The following ZNF560 variants were observed in gnomAD, a reference collection of about 807,000 sequenced individuals.
The protein encoded by ZNF560 is zinc finger protein 560.
Under a neutral mutation model 81.8 loss-of-function variants are expected in ZNF560, and 54 were observed. The observed-to-expected ratio is 0.66, with a 90% confidence interval of 0.53 to 0.83. The LOEUF (loss-of-function observed/expected upper bound fraction) is 0.83. Ranked by LOEUF, ZNF560 falls within the 40% of genes least tolerant of loss-of-function variation. The probability of loss-of-function intolerance (pLI) is 0.00; values close to 1 mark genes in which losing one functional copy is unlikely to be tolerated. For synonymous variants in ZNF560, 321 were observed against 317.9 expected (o/e 1.01, Z -0.10); for missense variants, 940 against 932.4 (o/e 1.01, Z -0.11).
intron 7 of ZNF560, among the ~76,000 whole-genome samples, chr19:9,470,090 T>C (rs1023503203): frequency 6.6e-6 from 1 of 152,208 alleles, no homozygotes; most frequent in Non-Finnish European, 1.5e-5. Context: ...TAGAGTGAAT[T>C]ACTCATCTGA....
At chr19:9,482,441 G>A (rs147107068) in intron 2 of ZNF560, among the ~76,000 whole-genome samples, 42 of 150,954 alleles carry the variant, frequency 2.8e-4, no homozygotes, top group African/African-American at 9.7e-4. Context: ...AGGAAGGGAG[G>A]GGGGAAGGGG....
Position 9,468,199 on chromosome 19 carries a change from C to G in ZNF560, c.748G>C (p.Asp250His), listed in dbSNP as rs773679610. The change falls in exon 10 of 10, where the codon GAC (aspartate) becomes CAC (histidine). Residue 250 changes from aspartate to histidine, a missense_variant. Transcript: ENST00000301480. ...GTTTTATTGTATAGAGAAAGGAGGTCTTTTGCATACTGAATACATTCAGAC... is the reference window on the plus strand; with the variant it reads ...GTTTTATTGTATAGAGAAAGGAGGTGTTTTGCATACTGAATACATTCAGAC... The part of the protein sequence containing the change: ...NTSECIQYAK[D>H]LLSLYNKTST... The G allele has an allele frequency of 1.6e-5, 26 of 1,614,122 alleles. No homozygotes were observed. In the East Asian group the frequency reaches 2.7e-4, roughly 17 times the overall value.
At chr19:9,450,698 T>G in the ZNF560 span, among the ~76,000 whole-genome samples, 1 of 152,016 alleles carries the variant, frequency 6.6e-6, no homozygotes, top group Non-Finnish European at 1.5e-5. Flanking sequence ...TCCAGATAAT[T>G]TTTATATTTT....
At chr19:9,472,017 G>A (rs2073130108) in intron 5 of ZNF560, among the ~76,000 whole-genome samples, 1 of 152,042 alleles carries the variant, frequency 6.6e-6, no homozygotes, top group Non-Finnish European at 1.5e-5. Flanking sequence ...GGCTGAGGCA[G>A]GAGAATGGCA....
chr19:9,469,760 G>A (rs1319491585), intron 7 of ZNF560, 50 bp from the exon 8 acceptor site: 13 of 1,535,578 alleles, frequency 8.5e-6, no homozygotes, highest in Admixed American at 3.4e-5. Flanking sequence ...GCAAGAAATG[G>A]CAAACTTTTC....
chr19:9,456,256 G>A, the ZNF560 span, among the ~76,000 whole-genome samples: 178 of 152,240 alleles, frequency 1.2e-3, 3 homozygotes, highest in African/African-American at 3.9e-3. Context: ...AGGAGTCTGC[G>A]GACCTCTGCC....
intron 2 of ZNF560, among the ~76,000 whole-genome samples, chr19:9,488,316 C>T (rs1336318824): frequency 6.6e-6 from 1 of 152,100 alleles, no homozygotes; most frequent in Non-Finnish European, 1.5e-5. Context: ...GCCAAAGAAA[C>T]CTCTTTTCTT....
intron 2 of ZNF560, among the ~76,000 whole-genome samples, chr19:9,486,759 GA>G (rs936803340): frequency 1.6e-4 from 24 of 146,838 alleles, no homozygotes; most frequent in East Asian, 1.4e-3. Flanking sequence ...AAGAAGAAAA[GA>G]AAAAAAAAAG....
At chr19:9,476,213 T>A (rs565000419) in intron 2 of ZNF560, among the ~76,000 whole-genome samples, 5 of 152,220 alleles carry the variant, frequency 3.3e-5, no homozygotes, top group Admixed American at 6.5e-5. Flanking sequence ...ATGGAGGTGA[T>A]TGGATCATGG....
chr19:9,497,149 G>A (rs1282659498), intron 2 of ZNF560, among the ~76,000 whole-genome samples: 2 of 151,164 alleles, frequency 1.3e-5, no homozygotes, highest in Non-Finnish European at 2.9e-5. Flanking sequence ...ATCTTGAATA[G>A]AGCTCAGATC....
downstream of ZNF560, among the ~76,000 whole-genome samples, chr19:9,463,715 C>G (rs891990900): frequency 6.6e-6 from 1 of 152,136 alleles, no homozygotes; most frequent in Non-Finnish European, 1.5e-5. Flanking sequence ...GAGACAAGGC[C>G]TCTGTCACCC....
downstream of ZNF560, among the ~76,000 whole-genome samples, chr19:9,465,365 CTT>C (rs1186850871): frequency 6.6e-6 from 1 of 152,136 alleles, no homozygotes; most frequent in Non-Finnish European, 1.5e-5. Flanking sequence ...GTCTCGATCT[CTT>C]GACCTCGTGA....
the ZNF560 span, among the ~76,000 whole-genome samples, chr19:9,457,935 AAATAG>A: frequency 3.6e-4 from 55 of 152,304 alleles, no homozygotes; most frequent in East Asian, 7.7e-4. Flanking sequence ...AGGCCCAAAT[AAATAG>A]AATAGATCTA....
intron 2 of ZNF560, among the ~76,000 whole-genome samples, chr19:9,490,996 T>C (rs985755801): frequency 3.3e-5 from 5 of 152,192 alleles, no homozygotes; most frequent in African/African-American, 1.2e-4. Context: ...TCCATCACAT[T>C]GAAAATATTT....
chr19:9,474,070 T>C (rs986505186), intron 4 of ZNF560, 129 bp downstream of exon 4: 3 of 1,037,604 alleles, frequency 2.9e-6, no homozygotes, highest in African/African-American at 3.1e-5. Flanking sequence ...ACCACAGTAA[T>C]TAAGACCTAT....
In ZNF560 at chr19:9,491,534, A is replaced by G. The variant is rs185019623; in HGVS notation, c.-57+6594T>C. Among the ~76,000 whole-genome samples, 5 of 152,108 alleles carry G rather than the reference A, an allele frequency of 3.3e-5. No homozygotes were observed. The East Asian group carries it at 7.8e-4, about 24-fold the overall frequency. ...ATTAGGTGCAACACTTGGCAGACCT[A>G]TAAGATTCTTGGCCAGGCATGGTGG... On this transcript the variant is annotated intron_variant, in intron 2 of 9. Transcript: ENST00000301480.
At chr19:9,484,818 T>A in intron 2 of ZNF560, among the ~76,000 whole-genome samples, 1 of 142,446 alleles carries the variant, frequency 7.0e-6, no homozygotes, top group Admixed American at 6.9e-5. Context: ...ATAAATAAAA[T>A]TAAGCCTTTA....
At chr19:9,488,721 G>C (rs1348419188) in intron 2 of ZNF560, among the ~76,000 whole-genome samples, 1 of 152,146 alleles carries the variant, frequency 6.6e-6, no homozygotes, top group East Asian at 1.9e-4. Context: ...GTTAACATTA[G>C]ATAGGCCCAA....
the ZNF560 span, among the ~76,000 whole-genome samples, chr19:9,457,812 T>C: frequency 3.9e-5 from 6 of 152,234 alleles, no homozygotes; most frequent in Non-Finnish European, 5.9e-5. Context: ...TTCTGACTTA[T>C]GCCATGAGTA....
Sources: allele counts gnomAD v4.1 joint callset (sites outside exome capture counted in the v4.1 genomes callset), GRCh38; gene constraint gnomAD v4.1.1; transcripts MANE v1.5; gene names NCBI Gene and HGNC (gene_info 2026-07-23, HGNC 2026-07-21).